Variants in PCDH9 observed in about 807,000 individuals in gnomAD.
PCDH9 encodes protocadherin-9.
In PCDH9, 24 loss-of-function variants were observed where a neutral mutation model predicts 70.6. The observed-to-expected ratio is 0.34, with a 90% CI of 0.25 to 0.48. The LOEUF is 0.48. Among genes scored for constraint, PCDH9 ranks in the 20% least tolerant of loss-of-function variants. The pLI, the probability that PCDH9 is intolerant of heterozygous loss-of-function variation, is 0.99. For synonymous variants in PCDH9, 562 were observed against 558.5 expected, an observed-to-expected ratio of 1.01 and a Z score of -0.09; for missense variants, 1,281 against 1,503.6, an observed-to-expected ratio of 0.85 and a Z score of 2.45.
chr13:66,870,876 T>G (rs1041063508), intron 3 of PCDH9, among the ~76,000 whole-genome samples: 4 of 152,092 alleles, frequency 2.6e-5, no homozygotes, highest in African/African-American at 9.7e-5. Context: ...GACCCAGCCA[T>G]CCCATTACTG....
chr13:66,929,409 C>A (rs1594273269), intron 2 of PCDH9, among the ~76,000 whole-genome samples: 1 of 151,966 alleles, frequency 6.6e-6, no homozygotes. Context: ...CTGCAACCTC[C>A]ACCTCCCGGG....
rs764120669 is a variant in PCDH9 at position 67,230,057 on chromosome 13, T to G, written c.-413A>C. ...GCATTTAGCACACACAACACATAGT[T>G]GCACTTCTTCAGCTCAGGGATATTT... On this transcript the variant is annotated 5_prime_UTR_variant, in exon 1 of 5. Coordinates refer to ENST00000377865, the MANE Select transcript of PCDH9 (RefSeq NM_203487.3). 1 of 152,340 alleles carries G rather than the reference T, an allele frequency of 6.6e-6. No homozygotes were observed. The highest frequency in any genetic ancestry group is 1.5e-5 in the Non-Finnish European group (1 of 68,138). 9.4% of individuals were successfully genotyped at this position (152,340 alleles called of 1,614,324 possible).
At chr13:66,654,102 G>A (rs1285057249) in intron 3 of PCDH9, among the ~76,000 whole-genome samples, 1 of 151,938 alleles carries the variant, frequency 6.6e-6, no homozygotes, top group African/African-American at 2.4e-5. Context: ...CCCAATATGT[G>A]GTACATAAAC....
At chr13:67,205,503 T>C (rs2089317115) in intron 2 of PCDH9, 1 of 152,204 alleles carries the variant, frequency 6.6e-6, no homozygotes. Context: ...ATTCTAAGTG[T>C]TTGTAATTGA....
intron 2 of PCDH9, among the ~76,000 whole-genome samples, chr13:67,069,799 T>C (rs1179468615): frequency 6.6e-6 from 1 of 152,198 alleles, no homozygotes; most frequent in Admixed American, 6.6e-5. Flanking sequence ...AGCAGATTAA[T>C]TGATAAAGAA....
At chr13:66,849,264 C>T (rs187133315) in intron 3 of PCDH9, among the ~76,000 whole-genome samples, 1 of 151,902 alleles carries the variant, frequency 6.6e-6, no homozygotes, top group Admixed American at 6.6e-5. Flanking sequence ...AGAAAGAATA[C>T]TTAATTTGGC....
chr13:67,154,412 T>C (rs1483687203), intron 2 of PCDH9, among the ~76,000 whole-genome samples: 1 of 151,646 alleles, frequency 6.6e-6, no homozygotes, highest in African/African-American at 2.4e-5. Flanking sequence ...ACCTCGTCTC[T>C]ATGAAAATAC....
rs191603689 is a variant in PCDH9 at position 66,502,928 on chromosome 13, A to G, written c.3340+128282T>C. 3.9e-3 allele frequency among the ~76,000 whole-genome samples: 597 copies of G among 152,330 alleles called. 4 individuals are homozygous for G. Among genetic ancestry groups the G allele is most frequent in the Non-Finnish European group, 6.5e-3 (444 of 68,030 alleles). Reference sequence around the variant, plus strand: ...AAAATGCCACTAATTTAAGTCTGCAAAGAATACTGGGTACTTGTGCTAGTT... The same window carrying G: ...AAAATGCCACTAATTTAAGTCTGCAGAGAATACTGGGTACTTGTGCTAGTT... On this transcript the variant is annotated intron_variant, in intron 4 of 4. Coordinates refer to ENST00000377865, the MANE Select transcript of PCDH9 (RefSeq NM_203487.3).
intron 2 of PCDH9, among the ~76,000 whole-genome samples, chr13:67,186,483 G>A (rs945967304): frequency 6.6e-4 from 101 of 152,144 alleles, no homozygotes; most frequent in African/African-American, 2.3e-3. Flanking sequence ...GATCCAGTAG[G>A]TGTGGGGATT....
intron 3 of PCDH9, among the ~76,000 whole-genome samples, chr13:66,736,531 C>A (rs2079151290): frequency 6.6e-6 from 1 of 152,172 alleles, no homozygotes; most frequent in Non-Finnish European, 1.5e-5. Flanking sequence ...TTAAGCCACC[C>A]AGTCTTCTTT....
chr13:67,145,519 A>G (rs1359655191), intron 2 of PCDH9, among the ~76,000 whole-genome samples: 4 of 152,066 alleles, frequency 2.6e-5, no homozygotes, highest in Non-Finnish European at 5.9e-5. Flanking sequence ...TTAATAGGAA[A>G]AAAATCTTAC....
intron 3 of PCDH9, among the ~76,000 whole-genome samples, chr13:66,813,447 G>C (rs1374896637): frequency 6.6e-6 from 1 of 150,574 alleles, no homozygotes; most frequent in Non-Finnish European, 1.5e-5. Flanking sequence ...GGAGGGAAGA[G>C]AGAAAGGGTG....
chr13:67,193,650 T>A (rs866604895), intron 2 of PCDH9, among the ~76,000 whole-genome samples: 18 of 152,238 alleles, frequency 1.2e-4, no homozygotes, highest in African/African-American at 4.1e-4. Flanking sequence ...TACTATAGAT[T>A]ACCTTGGATG....
At chr13:67,123,936 T>A (rs181001167) in intron 2 of PCDH9, among the ~76,000 whole-genome samples, 2 of 152,016 alleles carry the variant, frequency 1.3e-5, no homozygotes, top group Admixed American at 1.3e-4. Flanking sequence ...TACTAAAGAA[T>A]CTTCCCAAAC....
At chr13:66,362,064 A>T (rs938235048) in intron 4 of PCDH9, among the ~76,000 whole-genome samples, 2 of 152,198 alleles carry the variant, frequency 1.3e-5, no homozygotes, top group African/African-American at 4.8e-5. Flanking sequence ...TCTTACTCTG[A>T]CATCATTTTG....
chr13:67,040,501 T>G (rs1203500840), intron 2 of PCDH9, among the ~76,000 whole-genome samples: 1 of 152,072 alleles, frequency 6.6e-6, no homozygotes, highest in African/African-American at 2.4e-5. Context: ...TGTGAGCATA[T>G]GTACAAAGAG....
At chr13:66,778,977 A>G (rs755506657) in intron 3 of PCDH9, among the ~76,000 whole-genome samples, 1 of 152,166 alleles carries the variant, frequency 6.6e-6, no homozygotes, top group Non-Finnish European at 1.5e-5. Context: ...ACATTTTCTC[A>G]TATTCATTCA....
chr13:67,092,406 C>T (rs938212008), intron 2 of PCDH9, among the ~76,000 whole-genome samples: 4 of 151,914 alleles, frequency 2.6e-5, no homozygotes, highest in Non-Finnish European at 5.9e-5. Flanking sequence ...TATTAATTTC[C>T]TTGTGAAACA....
At chr13:66,325,647 G>A (rs1955829905) in intron 4 of PCDH9, among the ~76,000 whole-genome samples, 1 of 151,992 alleles carries the variant, frequency 6.6e-6, no homozygotes, top group Non-Finnish European at 1.5e-5. Flanking sequence ...GTGTGCACTT[G>A]CATTTACATA....
Sources: gnomAD v4.1 joint callset for allele counts (sites outside exome capture counted in the v4.1 genomes callset) on GRCh38, gnomAD v4.1.1 for gene constraint, MANE v1.5 for transcripts, NCBI Gene and HGNC (gene_info 2026-07-23, HGNC 2026-07-21) for gene names.